RFX4: variants seen among roughly 807,000 people sequenced by gnomAD.
RFX4 encodes the protein transcription factor RFX4.
In RFX4, 10 loss-of-function variants were observed where a neutral mutation model predicts 95.0. That is an observed-to-expected ratio of 0.11 (90% confidence interval 0.06 to 0.18). RFX4 has a LOEUF of 0.18. Ranked by LOEUF, RFX4 falls within the 10% of genes least tolerant of loss-of-function variation. The probability of loss-of-function intolerance (pLI) is 1.00; values close to 1 mark genes in which losing one functional copy is unlikely to be tolerated. For synonymous variants in RFX4, 321 were observed against 340.7 expected (o/e 0.94, Z 0.64); for missense variants, 640 against 922.0 (o/e 0.69, Z 3.96).
chr12:106,659,682 A>G (rs2041033380), intron 4 of RFX4, among the ~76,000 whole-genome samples: 1 of 152,194 alleles, frequency 6.6e-6, no homozygotes, highest in Admixed American at 6.5e-5. Flanking sequence ...AGATACTGTT[A>G]TTGTTCCCAT....
intron 8 of RFX4, among the ~76,000 whole-genome samples, chr12:106,708,958 G>A (rs1163860047): frequency 6.6e-6 from 1 of 152,194 alleles, no homozygotes; most frequent in East Asian, 1.9e-4. Context: ...TGCAAACAGG[G>A]TTCCTGCCTG....
At position 106,732,210 on chromosome 12, in the gene RFX4, A is replaced by G. The variant is rs367742007; in HGVS notation, c.1432A>G (p.Asn478Asp). 8.7e-6 allele frequency: 14 copies of G among 1,613,954 alleles called. No homozygotes were observed. The highest frequency in any genetic ancestry group is 5.5e-5 in the South Asian group (5 of 91,082). The change falls in exon 14 of 18, where the codon AAT (asparagine) becomes GAT (aspartate). Residue 478 changes from asparagine (N) to aspartate (D), a missense_variant. Around this residue, in one of 7 missense-constraint regions of RFX4, gnomAD observed 300 missense variants for 346.8 expected, o/e 0.87. Transcript: ENST00000392842. ...ATCTCTGCACTGTCAGGAGCGGGCCAATGAGCTCATGCGAGCCATGAAGGG... is the reference window on the plus strand; with the variant it reads ...ATCTCTGCACTGTCAGGAGCGGGCCGATGAGCTCATGCGAGCCATGAAGGG... ...LESLHCQERA[N>D]ELMRAMKGEG...
At chr12:106,618,853 G>T (rs1436864112) in intron 2 of RFX4, among the ~76,000 whole-genome samples, 1 of 152,024 alleles carries the variant, frequency 6.6e-6, no homozygotes, top group Non-Finnish European at 1.5e-5. Flanking sequence ...GATTAATAGA[G>T]TTTTTAAAAA....
At chr12:106,595,132 T>A (rs866225894) in intron 1 of RFX4, among the ~76,000 whole-genome samples, 5 of 152,204 alleles carry the variant, frequency 3.3e-5, no homozygotes, top group Admixed American at 6.5e-5. Context: ...ATTGACTCTA[T>A]GGTATTATTA....
intron 2 of RFX4, among the ~76,000 whole-genome samples, chr12:106,631,518 T>C (rs1445514302): frequency 6.6e-6 from 1 of 152,228 alleles, no homozygotes; most frequent in African/African-American, 2.4e-5. Context: ...GGTTAGGTCA[T>C]GAAGGCTCAG....
chr12:106,737,671 G>C (rs1266604902), intron 15 of RFX4, among the ~76,000 whole-genome samples: 1 of 152,158 alleles, frequency 6.6e-6, no homozygotes, highest in Non-Finnish European at 1.5e-5. Flanking sequence ...GCTATCTTGT[G>C]TACTAGTCAA....
At chr12:106,735,058 A>T (rs551047365) in intron 15 of RFX4, among the ~76,000 whole-genome samples, 1 of 151,586 alleles carries the variant, frequency 6.6e-6, no homozygotes, top group Non-Finnish European at 1.5e-5. Context: ...AAAAAAAAAA[A>T]AAGAAGAAGA....
intron 8 of RFX4, among the ~76,000 whole-genome samples, chr12:106,708,521 G>A (rs1285899366): frequency 6.6e-6 from 1 of 152,144 alleles, no homozygotes; most frequent in Non-Finnish European, 1.5e-5. Context: ...GTGATTTTGT[G>A]TCTGACAGGA....
intron 1 of RFX4, among the ~76,000 whole-genome samples, chr12:106,594,667 G>A (rs1270788310): frequency 1.3e-5 from 2 of 152,144 alleles, no homozygotes; most frequent in Admixed American, 6.5e-5. Flanking sequence ...ACAGAGGCCG[G>A]CTGAGCCTTG....
chr12:106,761,324 C>T lies in RFX4; in HGVS notation c.2063C>T (p.Pro688Leu). ...TCAGCCAACACGTGCTACACAAGCC[C>T]GTCTGTGCATTCTGCGAGGTACGGA... Reference protein sequence around the residue: ...VPSANTCYTSPSVHSARYGNS... With the variant: ...VPSANTCYTSLSVHSARYGNS... The change falls in exon 18 of 18, where the codon CCG becomes CTG. Residue 688 changes from proline to leucine, a missense_variant. Physicochemically the swap from Pro to Leu is moderately conservative, Grantham distance 98. This residue lies in a region of RFX4 where 300 missense variants were observed against 346.8 expected (regional missense o/e 0.87). Coordinates refer to ENST00000392842, the MANE Select transcript of RFX4 (RefSeq NM_213594.3). 2.5e-6 allele frequency: 4 copies of T among 1,614,060 alleles called. No homozygotes were observed. Among genetic ancestry groups the T allele is most frequent in the South Asian group, 1.1e-5 (1 of 91,080 alleles).
At chr12:106,636,390 CAAAAAAA>C (rs34305367) in intron 2 of RFX4, among the ~76,000 whole-genome samples, 102 of 76,880 alleles carry the variant, frequency 1.3e-3, no homozygotes, top group Non-Finnish European at 2.1e-3. Flanking sequence ...AACTCTGTCT[CAAAAAAA>C]AAAAAAAAAA....
chr12:106,635,089 A>G (rs2040484312), intron 2 of RFX4, among the ~76,000 whole-genome samples: 1 of 152,222 alleles, frequency 6.6e-6, no homozygotes, highest in Admixed American at 6.5e-5. Context: ...AAGCTCAAGT[A>G]AGTTGAGTGA....
At chr12:106,612,680 A>C (rs2039986738) in intron 2 of RFX4, among the ~76,000 whole-genome samples, 1 of 152,192 alleles carries the variant, frequency 6.6e-6, no homozygotes, top group African/African-American at 2.4e-5. Context: ...TCTACTAAAA[A>C]TACAAAAATT....
chr12:106,758,173 G>A (rs1433942992), intron 17 of RFX4, among the ~76,000 whole-genome samples: 4 of 152,190 alleles, frequency 2.6e-5, no homozygotes, highest in Admixed American at 2.6e-4. Context: ...TGTAAAGTGT[G>A]AGAGGTGAGG....
At chr12:106,614,777 A>C (rs993398937) in intron 2 of RFX4, among the ~76,000 whole-genome samples, 1 of 151,002 alleles carries the variant, frequency 6.6e-6, no homozygotes, top group Non-Finnish European at 1.5e-5. Context: ...CCAAAGTGCT[A>C]GGATTACAGG....
chr12:106,724,840 C>T (rs1385667099), intron 13 of RFX4, among the ~76,000 whole-genome samples: 4 of 152,092 alleles, frequency 2.6e-5, no homozygotes, highest in African/African-American at 7.2e-5. Flanking sequence ...GGTGAAACCC[C>T]GTCTCTACTA....
chr12:106,666,307 G>C (rs1314448061), intron 4 of RFX4, among the ~76,000 whole-genome samples: 3 of 151,834 alleles, frequency 2.0e-5, no homozygotes, highest in Admixed American at 6.6e-5. Context: ...CTTTTTTCAG[G>C]ATGTTTTTCG....
At chr12:106,642,364 C>A (rs970688681) in intron 3 of RFX4, among the ~76,000 whole-genome samples, 3 of 151,458 alleles carry the variant, frequency 2.0e-5, no homozygotes, top group Admixed American at 1.3e-4. Flanking sequence ...GCCTGTAATC[C>A]CAGCACTTTG....
intron 2 of RFX4, among the ~76,000 whole-genome samples, chr12:106,616,100 T>G (rs917321708): frequency 7.9e-5 from 12 of 152,236 alleles, no homozygotes; most frequent in African/African-American, 2.7e-4. Context: ...TGTGGATTTT[T>G]GTAGATACTC....
Sources: gnomAD v4.1 joint callset for allele counts (sites outside exome capture counted in the v4.1 genomes callset) on GRCh38, gnomAD v4.1.1 for gene constraint, gnomAD v4.1.1 regional missense constraint, MANE v1.5 for transcripts, NCBI Gene and HGNC (gene_info 2026-07-23, HGNC 2026-07-21) for gene names.